VMP1: variants seen among roughly 807,000 people sequenced by gnomAD.
VMP1 encodes ectopic P-granules autophagy protein 3 homolog.
VMP1 carries 11 observed loss-of-function variants against 56.0 expected under a neutral mutation model. That is an observed-to-expected ratio of 0.20 (90% CI 0.12 to 0.32). VMP1 has a LOEUF of 0.32. VMP1 is among the 10% of genes least tolerant of loss of function. The pLI is 1.00. For missense variants in VMP1, 296 were observed against 490.3 expected (o/e 0.60, Z 3.74); for synonymous variants, 149 against 165.0 (o/e 0.90, Z 0.74).
chr17:59,731,554 T>C, intron 2 of VMP1, 32 bp downstream of exon 2: 1 of 1,500,978 alleles, frequency 6.7e-7, no homozygotes, highest in Non-Finnish European at 9.0e-7. Flanking sequence ...GGAGGAGTGC[T>C]ATGGGTTTAA....
chr17:59,793,653 G>C lies in VMP1; in HGVS notation c.715-15143G>C, dbSNP rs1413973920. On this transcript the variant is annotated intron_variant, in intron 7 of 11. Transcript: ENST00000262291. The stretch of plus-strand genomic sequence containing the variant: ...ATTTATTTATTTTTTTTGAGATGGA[G>C]TCTTGCTCTGTCGCCCAGGCTGAAG... 1.7e-5 allele frequency among the ~76,000 whole-genome samples: 2 copies of C among 115,516 alleles called. 1 individual carries two copies. The highest frequency in any genetic ancestry group is 4.3e-5 in the Non-Finnish European group (2 of 46,526). The allele number at this position is 115,516 out of a possible 152,430, so 75.8% of individuals were successfully genotyped here.
intron 1 of VMP1, among the ~76,000 whole-genome samples, chr17:59,725,001 A>T (rs1423351695): frequency 1.3e-5 from 2 of 150,640 alleles, no homozygotes; most frequent in African/African-American, 4.9e-5. Flanking sequence ...AAAAAAAACA[A>T]CAAAAATTAG....
intron 1 of VMP1, among the ~76,000 whole-genome samples, chr17:59,713,461 A>C (rs1281256791): frequency 6.6e-6 from 1 of 152,032 alleles, no homozygotes; most frequent in African/African-American, 2.4e-5. Context: ...TAGAGGTCAA[A>C]ACCAGAAATA....
intron 7 of VMP1, among the ~76,000 whole-genome samples, chr17:59,805,098 G>A (rs2037802546): frequency 6.6e-6 from 1 of 152,012 alleles, no homozygotes; most frequent in African/African-American, 2.4e-5. Context: ...TATAATACAT[G>A]CCAGCTTCAA....
chr17:59,709,764 G>C (rs916656129), intron 1 of VMP1, among the ~76,000 whole-genome samples: 18 of 152,060 alleles, frequency 1.2e-4, no homozygotes, highest in African/African-American at 3.9e-4. Context: ...TTTGCATTCG[G>C]GAGTTTAAAT....
chr17:59,757,257 A>C lies in VMP1; in HGVS notation c.415-7714A>C, dbSNP rs912487732. On this transcript the variant is annotated intron_variant, in intron 5 of 11. Transcript: ENST00000262291. ...AGGATGGAGATAGATAGATAGATAGATAGATAGATAGATAGATAGATAGAT... is the reference window on the plus strand; with the variant it reads ...AGGATGGAGATAGATAGATAGATAGCTAGATAGATAGATAGATAGATAGAT... Among the ~76,000 whole-genome samples, 60 of 151,702 alleles carry C rather than the reference A, an allele frequency of 4.0e-4. 1 individual carries two copies. Among genetic ancestry groups the C allele is most frequent in the African/African-American group, 7.7e-4 (32 of 41,368 alleles).
chr17:59,794,588 GGAAGCTGCA>G (rs1302509124), intron 7 of VMP1, among the ~76,000 whole-genome samples: 1 of 135,922 alleles, frequency 7.4e-6, no homozygotes, highest in Non-Finnish European at 1.5e-5. Context: ...CAGAGGGAAA[GGAAGCTGCA>G]GATACTGGCC....
intron 5 of VMP1, among the ~76,000 whole-genome samples, chr17:59,762,583 A>T (rs987441294): frequency 1.3e-5 from 2 of 152,212 alleles, no homozygotes; most frequent in Non-Finnish European, 2.9e-5. Context: ...CTATCACTTA[A>T]TATAGTTTAA....
intron 10 of VMP1, among the ~76,000 whole-genome samples, chr17:59,823,807 C>G (rs796241339): frequency 1.3e-5 from 2 of 151,580 alleles, no homozygotes; most frequent in African/African-American, 4.8e-5. Context: ...TAGTAAACTT[C>G]AGAATGCAGT....
At chr17:59,762,455 A>C (rs767575596) in intron 5 of VMP1, among the ~76,000 whole-genome samples, 1 of 152,226 alleles carries the variant, frequency 6.6e-6, no homozygotes, top group Non-Finnish European at 1.5e-5. Context: ...GTAACTTTTA[A>C]AACTTTTAAT....
chr17:59,735,583 C>T (rs2034988463), intron 3 of VMP1, 110 bp downstream of exon 3: 1 of 1,160,814 alleles, frequency 8.6e-7, no homozygotes, highest in Non-Finnish European at 1.2e-6. Context: ...GGATTAATTA[C>T]CTTTAGAATA....
intron 7 of VMP1, among the ~76,000 whole-genome samples, chr17:59,806,686 A>T (rs1244492118): frequency 6.8e-6 from 1 of 148,110 alleles, no homozygotes; most frequent in Non-Finnish European, 1.5e-5. Context: ...TTGCACTCCA[A>T]CCTAGGCAAC....
intron 7 of VMP1, among the ~76,000 whole-genome samples, chr17:59,806,733 T>A (rs1306437224): frequency 1.5e-5 from 2 of 136,404 alleles, no homozygotes; most frequent in South Asian, 2.3e-4. Flanking sequence ...AAAAAAAAAA[T>A]TAAATCTGAT....
At chr17:59,765,379 G>A (rs2036194780) in intron 6 of VMP1, among the ~76,000 whole-genome samples, 1 of 152,260 alleles carries the variant, frequency 6.6e-6, no homozygotes. Context: ...ACTCCAGCAG[G>A]GCAAGGGAGT....
Position 59,823,683 on chromosome 17 carries a change from G to A in VMP1, c.974+5910G>A, listed in dbSNP as rs536211627. Among the ~76,000 whole-genome samples the A allele has an allele frequency of 4.0e-5, 6 of 151,844 alleles. No homozygotes were observed. The South Asian group carries it at 1.0e-3, about 26-fold the overall frequency. On this transcript the variant is annotated intron_variant, in intron 10 of 11. Transcript: ENST00000262291. ...GGAGAATGACGTGAACCCGGGAGGC[G>A]GATCATGCAGTGAGCTGAGATCACG...
chr17:59,735,368 G>A lies in VMP1; in HGVS notation c.107G>A (p.Arg36Lys). The A allele has an allele frequency of 1.2e-6, 2 of 1,614,058 alleles. No individual in the cohort carries two copies. The highest frequency in any genetic ancestry group is 1.7e-4 in the Middle Eastern group (1 of 6,060). The stretch of plus-strand genomic sequence containing the variant: ...TCTTCAGTGAATGAAAAGAAGAGGA[G>A]GGAGCGGGAAGAAAGGCAGAATATT... ...DPSSVNEKKR[R>K]EREERQNIVL... Residue 36 changes from arginine to lysine, a missense_variant, in exon 3 of 12, where the codon AGG becomes AAG. Arg to Lys is a conservative substitution (Grantham distance 26, BLOSUM62 2). This residue lies in a region of VMP1 where 69 missense variants were observed against 76.6 expected (regional missense o/e 0.90). Transcript: ENST00000262291.
intron 10 of VMP1, among the ~76,000 whole-genome samples, chr17:59,828,833 G>A (rs1474530256): frequency 6.6e-6 from 1 of 152,130 alleles, no homozygotes; most frequent in East Asian, 1.9e-4. Context: ...TTCATATACT[G>A]AGCCAGGCAC....
intron 10 of VMP1, among the ~76,000 whole-genome samples, chr17:59,823,682 C>T (rs115429100): frequency 0.037 from 5,598 of 151,620 alleles, 367 homozygotes; most frequent in African/African-American, 0.13. Context: ...ACCCGGGAGG[C>T]GGATCATGCA....
intron 5 of VMP1, among the ~76,000 whole-genome samples, chr17:59,760,648 A>G (rs1295485586): frequency 6.6e-6 from 1 of 152,008 alleles, no homozygotes; most frequent in Admixed American, 6.6e-5. Flanking sequence ...TTGAGATGGC[A>G]TCTTGCTCTG....
Sources: allele counts gnomAD v4.1 joint callset (sites outside exome capture counted in the v4.1 genomes callset), GRCh38; gene constraint gnomAD v4.1.1; regional missense constraint gnomAD v4.1.1; transcripts MANE v1.5; gene names NCBI Gene and HGNC (gene_info 2026-07-23, HGNC 2026-07-21).